STARD9: variants seen among roughly 807,000 people sequenced by gnomAD.
STARD9 encodes stAR-related lipid transfer protein 9.
STARD9 carries 346 observed loss-of-function variants against 399.8 expected under a neutral mutation model. The ratio of observed to expected loss-of-function variants is 0.87; its 90% CI spans 0.79 to 0.95. STARD9 has a LOEUF of 0.95. STARD9 is among the 40% of genes least tolerant of loss of function. The pLI is 0.00. For synonymous variants in STARD9, 2,203 were observed against 2,143.5 expected, an observed-to-expected ratio of 1.03 and a Z score of -0.77; for missense variants, 5,832 against 5,667.5, an observed-to-expected ratio of 1.03 and a Z score of -0.93.
chr15:42,694,793 C>T, intron 24 of STARD9, 68 bp downstream of exon 24: 2 of 1,325,932 alleles, frequency 1.5e-6, no homozygotes, highest in Non-Finnish European at 2.0e-6. Context: ...GGAGCAGGAG[C>T]TGAAGTTTTA....
chr15:42,680,493 G>A (rs1164775478), intron 20 of STARD9, among the ~76,000 whole-genome samples: 1 of 152,078 alleles, frequency 6.6e-6, no homozygotes, highest in Non-Finnish European at 1.5e-5. Context: ...CCAGCTACTT[G>A]GGAGGCTGAG....
intron 3 of STARD9, among the ~76,000 whole-genome samples, chr15:42,610,773 C>T (rs748197740): frequency 6.6e-5 from 10 of 152,176 alleles, no homozygotes; most frequent in South Asian, 4.1e-4. Context: ...TCTTGAACTC[C>T]TGACCTCAGG....
At chr15:42,659,769 C>T (rs560910621) in intron 9 of STARD9, among the ~76,000 whole-genome samples, 3 of 152,276 alleles carry the variant, frequency 2.0e-5, no homozygotes, top group Non-Finnish European at 2.9e-5. Flanking sequence ...CATGATCCAC[C>T]TGCCTCCACC....
chr15:42,608,916 T>C lies in STARD9; in HGVS notation c.234+23279T>C, dbSNP rs146800794. Among the ~76,000 whole-genome samples the C allele has an allele frequency of 1.5e-3, 226 of 152,356 alleles. 2 individuals are homozygous for C. The highest frequency in any genetic ancestry group is 5.3e-3 in the African/African-American group (219 of 41,588). On this transcript the variant is annotated intron_variant, in intron 3 of 32. Coordinates refer to ENST00000290607, the MANE Select transcript of STARD9 (RefSeq NM_020759.3). ...TTCTGGATTCAGTCCATAGATTATGTATTCATGTATTCAGTCAGTGTTAAC... is the reference window on the plus strand; with the variant it reads ...TTCTGGATTCAGTCCATAGATTATGCATTCATGTATTCAGTCAGTGTTAAC...
chr15:42,615,409 G>A (rs1193693318), intron 3 of STARD9, among the ~76,000 whole-genome samples: 1 of 152,120 alleles, frequency 6.6e-6, no homozygotes, highest in Admixed American at 6.5e-5. Context: ...ATATTCATAG[G>A]ATGAAATACA....
chr15:42,609,474 T>A (rs888463463), intron 3 of STARD9, among the ~76,000 whole-genome samples: 6 of 151,634 alleles, frequency 4.0e-5, no homozygotes, highest in African/African-American at 2.4e-5. Context: ...GGAGTCTTGC[T>A]CTGTCACCAG....
chr15:42,691,243 G>T lies in STARD9; in HGVS notation c.9665G>T (p.Gly3222Val). The change falls in exon 23 of 33, where the codon GGT becomes GTT. Residue 3222 changes from glycine (G) to valine (V), a missense_variant. Physicochemically the swap from Gly to Val is moderately radical, Grantham distance 109. Around this residue, in one of 2 missense-constraint regions of STARD9, gnomAD observed 5,828 missense variants for 5,651.1 expected, o/e 1.03. Coordinates refer to ENST00000290607, the MANE Select transcript of STARD9 (RefSeq NM_020759.3). The part of the protein sequence containing the change: ...EEQHRDQASG[G>V]GEGFAQGVNP... ...CAGCACAGAGACCAGGCTTCAGGTG[G>T]TGGAGAAGGCTTCGCCCAGGGTGTG... 2 of 1,537,270 alleles carry T rather than the reference G, an allele frequency of 1.3e-6. No homozygotes were observed. Among genetic ancestry groups the T allele is most frequent in the Non-Finnish European group, 1.7e-6 (2 of 1,146,910 alleles).
At position 42,652,570 on chromosome 15, in the gene STARD9, T is replaced by G; in HGVS notation, c.680T>G (p.Ile227Ser). 1.3e-6 allele frequency: 2 copies of G among 1,537,034 alleles called. No individual in the cohort carries two copies. The highest frequency in any genetic ancestry group is 1.7e-6 in the Non-Finnish European group (2 of 1,146,694). Residue 227 changes from isoleucine (I) to serine (S), a missense_variant, in exon 9 of 33, where the codon ATT becomes AGT. Physicochemically the swap from Ile to Ser is moderately radical, Grantham distance 142 (BLOSUM62 -2). This residue lies in a region of STARD9 where 5,828 missense variants were observed against 5,651.1 expected (regional missense o/e 1.03). Coordinates refer to ENST00000290607, the MANE Select transcript of STARD9 (RefSeq NM_020759.3). ...VHEASSRSHA[I>S]FTIHYTQAIL... ...GAGGCCAGCAGCAGATCCCACGCCA[T>G]TTTCACGATCCACTACACGCAGGTT...
intron 7 of STARD9, among the ~76,000 whole-genome samples, chr15:42,646,230 C>T (rs766154462): frequency 2.6e-5 from 4 of 151,984 alleles, no homozygotes; most frequent in Non-Finnish European, 5.9e-5. Flanking sequence ...TTGCATTAGC[C>T]CCTAACAGGA....
intron 3 of STARD9, among the ~76,000 whole-genome samples, chr15:42,609,481 C>G (rs569316332): frequency 1.0e-3 from 154 of 151,176 alleles, no homozygotes; most frequent in Admixed American, 2.8e-3. Context: ...TGCTCTGTCA[C>G]CAGGCTGGGG....
intron 16 of STARD9, among the ~76,000 whole-genome samples, chr15:42,673,539 C>G (rs750689704): frequency 6.6e-6 from 1 of 152,150 alleles, no homozygotes; most frequent in East Asian, 1.9e-4. Context: ...GTGGGTTTCT[C>G]AGGCAGTTTA....
rs1416444119 is a variant in STARD9 at position 42,686,082 on chromosome 15, G to A, written c.4504G>A (p.Ala1502Thr). 6.5e-7 allele frequency: 1 copy of A among 1,537,196 alleles called. No individual in the cohort carries two copies. Among genetic ancestry groups the A allele is most frequent in the Non-Finnish European group, 8.7e-7 (1 of 1,146,894 alleles). ...TGAACTCTCTTGTCCTGTTTTGGAG[G>A]CCATAGGAGCACCCAAGCCAGCTTA... Reference protein sequence around the residue: ...LLELSCPVLEAIGAPKPAYPY... With the variant: ...LLELSCPVLETIGAPKPAYPY... The change falls in exon 23 of 33, where the codon GCC (alanine) becomes ACC (threonine). Residue 1502 changes from alanine (A) to threonine (T), a missense_variant. Ala to Thr is a moderately conservative substitution (Grantham distance 58). Coordinates refer to ENST00000290607, the MANE Select transcript of STARD9 (RefSeq NM_020759.3).
chr15:42,592,001 TTAACTC>T (rs554947643), intron 3 of STARD9, among the ~76,000 whole-genome samples: 6 of 152,200 alleles, frequency 3.9e-5, no homozygotes, highest in East Asian at 1.9e-4. Context: ...TCAAGACTGT[TTAACTC>T]TAAATTTTAT....
At chr15:42,708,684 T>C (rs186700797) in intron 26 of STARD9, among the ~76,000 whole-genome samples, 1 of 152,334 alleles carries the variant, frequency 6.6e-6, no homozygotes, top group East Asian at 1.9e-4. Flanking sequence ...TTTTTCTTTT[T>C]TTTTTCATGT....
At chr15:42,610,407 C>T (rs147379657) in intron 3 of STARD9, among the ~76,000 whole-genome samples, 162 of 152,294 alleles carry the variant, frequency 1.1e-3, no homozygotes, top group African/African-American at 3.8e-3. Context: ...GGGTTGTTCT[C>T]TCAGTTGGGC....
intron 3 of STARD9, among the ~76,000 whole-genome samples, chr15:42,625,859 A>G (rs2059196303): frequency 1.3e-5 from 2 of 152,066 alleles, no homozygotes; most frequent in African/African-American, 4.8e-5. Context: ...AAAGAAAAAG[A>G]ATGACCCCTA....
In STARD9 at chr15:42,690,122, G is replaced by A; in HGVS notation, c.8544G>A (p.Arg2848=). The change falls in exon 23 of 33, where the codon AGG becomes AGA. Residue 2848 remains arginine (R), a synonymous_variant. Transcript: ENST00000290607. Reference sequence around the variant, plus strand: ...CTTCTACTGGCTTTGAAGAAGGTAGGGCAAGTCCCAAACAAGATACCATTC... The same window carrying A: ...CTTCTACTGGCTTTGAAGAAGGTAGAGCAAGTCCCAAACAAGATACCATTC... ...PEASTGFEEG[R]ASPKQDTILP... The A allele has an allele frequency of 1.3e-6, 2 of 1,537,788 alleles. No homozygotes were observed. The highest frequency in any genetic ancestry group is 8.7e-7 in the Non-Finnish European group (1 of 1,147,036).
intron 22 of STARD9, among the ~76,000 whole-genome samples, chr15:42,683,749 T>C (rs1183520630): frequency 6.6e-6 from 1 of 152,254 alleles, no homozygotes. Context: ...TTTTATTTCT[T>C]TTTATTGATA....
intron 3 of STARD9, among the ~76,000 whole-genome samples, chr15:42,617,676 T>C (rs796671653): frequency 1.3e-5 from 2 of 152,348 alleles, no homozygotes; most frequent in African/African-American, 4.8e-5. Context: ...AACAATTTTG[T>C]TTATTGTACT....
Sources: gnomAD v4.1 joint callset for allele counts (sites outside exome capture counted in the v4.1 genomes callset) on GRCh38, gnomAD v4.1.1 for gene constraint, gnomAD v4.1.1 regional missense constraint, MANE v1.5 for transcripts, NCBI Gene and HGNC (gene_info 2026-07-23, HGNC 2026-07-21) for gene names.